Variants in EIPR1 observed in about 807,000 individuals in gnomAD.
The protein encoded by EIPR1 is EARP complex and GARP complex interacting protein 1, also known as EARP and GARP complex-interacting protein 1.
In EIPR1, 25 loss-of-function variants were observed where a neutral mutation model predicts 48.1. The observed-to-expected ratio is 0.52, with a 90% CI of 0.38 to 0.73. The LOEUF (loss-of-function observed/expected upper bound fraction) is 0.73, where lower values mean the gene tolerates loss of function less well. Ranked by LOEUF, EIPR1 falls within the 30% of genes least tolerant of loss-of-function variation. The pLI, the probability that EIPR1 is intolerant of heterozygous loss-of-function variation, is 0.00. For missense variants in EIPR1, 415 were observed against 506.2 expected (o/e 0.82, Z 1.73); for synonymous variants, 204 against 201.9 (o/e 1.01, Z -0.09).
intron 5 of EIPR1, chr2:3,208,634 C>A (rs1665318179): frequency 1.9e-6 from 3 of 1,550,512 alleles, no homozygotes; most frequent in Non-Finnish European, 2.6e-6. Context: ...CCATGGCATT[C>A]TGGTATGCTT....
chr2:3,370,466 A>G (rs1671087007), intron 1 of EIPR1, among the ~76,000 whole-genome samples: 1 of 152,154 alleles, frequency 6.6e-6, no homozygotes, highest in African/African-American at 2.4e-5. Flanking sequence ...TTCAAACCAA[A>G]GGCAAAGAAG....
intron 4 of EIPR1, among the ~76,000 whole-genome samples, chr2:3,227,084 T>TA (rs1227134265): frequency 6.6e-6 from 1 of 152,130 alleles, no homozygotes; most frequent in African/African-American, 2.4e-5. Flanking sequence ...GGCACTGCTG[T>TA]AAAGACACCC....
At chr2:3,239,302 C>T (rs1666516754) in intron 4 of EIPR1, among the ~76,000 whole-genome samples, 1 of 152,194 alleles carries the variant, frequency 6.6e-6, no homozygotes, top group South Asian at 2.1e-4. Context: ...AACAAAACCC[C>T]ACAGGTACAC....
At chr2:3,300,777 C>T (rs1219106534) in intron 3 of EIPR1, 3 of 152,236 alleles carry the variant, frequency 2.0e-5, no homozygotes, top group Admixed American at 1.3e-4. Flanking sequence ...CGTTTGTAAA[C>T]CAGCTGTCGC....
chr2:3,220,632 G>A (rs563097563), intron 4 of EIPR1, among the ~76,000 whole-genome samples: 1 of 151,638 alleles, frequency 6.6e-6, no homozygotes, highest in East Asian at 2.0e-4. Flanking sequence ...TTATAGTCAG[G>A]TGCACACACG....
chr2:3,256,887 C>T (rs746015062), intron 4 of EIPR1, among the ~76,000 whole-genome samples: 5 of 152,226 alleles, frequency 3.3e-5, no homozygotes, highest in Non-Finnish European at 7.3e-5. Flanking sequence ...AGGCACACCA[C>T]GCATTCATGC....
intron 3 of EIPR1, among the ~76,000 whole-genome samples, chr2:3,284,706 A>C (rs1223317398): frequency 6.6e-6 from 1 of 152,230 alleles, no homozygotes; most frequent in African/African-American, 2.4e-5. Flanking sequence ...ACTCAAATGG[A>C]GCCAGGATTC....
At chr2:3,273,365 C>G (rs1667753763) in intron 3 of EIPR1, among the ~76,000 whole-genome samples, 1 of 152,170 alleles carries the variant, frequency 6.6e-6, no homozygotes, top group East Asian at 1.9e-4. Flanking sequence ...ACCTAAAGGC[C>G]ACAGATAGAA....
At chr2:3,304,560 C>G (rs1390842227) in intron 3 of EIPR1, among the ~76,000 whole-genome samples, 3 of 5,678 alleles carry the variant, frequency 5.3e-4, no homozygotes, top group Admixed American at 1.6e-3. Flanking sequence ...CAACCTTCCA[C>G]TCCCGTCCTG....
chr2:3,351,199 C>T (rs953007539), intron 2 of EIPR1, among the ~76,000 whole-genome samples: 1 of 152,126 alleles, frequency 6.6e-6, no homozygotes, highest in African/African-American at 2.4e-5. Context: ...CAGGGTTTCA[C>T]CATGTTGGCC....
intron 1 of EIPR1, among the ~76,000 whole-genome samples, chr2:3,376,058 T>G (rs1318609620): frequency 6.6e-6 from 1 of 151,578 alleles, no homozygotes; most frequent in Non-Finnish European, 1.5e-5. Context: ...GCAGATCACT[T>G]GAGCTCAGGA....
chr2:3,377,752 G>C lies in EIPR1; in HGVS notation c.-63C>G. The C allele has an allele frequency of 6.5e-7, 1 of 1,542,800 alleles. No homozygotes were observed. Among genetic ancestry groups the C allele is most frequent in the South Asian group, 1.2e-5 (1 of 83,704 alleles). On this transcript the variant is annotated 5_prime_UTR_variant, in exon 1 of 9. Transcript: ENST00000382125. ...CTAAGGACCTCGCTACGGCCGGCGC[G>C]TCCCCACCTCGCGGGCGTGTTCCCA...
intron 5 of EIPR1, among the ~76,000 whole-genome samples, chr2:3,202,890 C>T (rs1403857816): frequency 9.2e-5 from 14 of 152,200 alleles, no homozygotes; most frequent in Non-Finnish European, 1.8e-4. Flanking sequence ...TACCAATTAG[C>T]CTTGCAGCTG....
At chr2:3,254,521 G>A (rs150803052) in intron 4 of EIPR1, among the ~76,000 whole-genome samples, 6 of 152,300 alleles carry the variant, frequency 3.9e-5, no homozygotes, top group East Asian at 1.9e-4. Context: ...TGACCAGCAC[G>A]CATGGTGGCT....
chr2:3,294,273 A>G (rs112317581), intron 3 of EIPR1, among the ~76,000 whole-genome samples: 139 of 151,058 alleles, frequency 9.2e-4, no homozygotes, highest in African/African-American at 3.0e-3. Context: ...CATCCAGCCC[A>G]TCCTCCCTAC....
At chr2:3,246,900 GGAGGGAGA>G (rs1377032320) in intron 4 of EIPR1, among the ~76,000 whole-genome samples, 2 of 85,640 alleles carry the variant, frequency 2.3e-5, no homozygotes, top group Admixed American at 2.2e-4. Flanking sequence ...AGGGAGGGAA[GGAGGGAGA>G]GAGGGAGGGA....
chr2:3,346,322 C>T (rs150804691), intron 2 of EIPR1, among the ~76,000 whole-genome samples: 11 of 152,344 alleles, frequency 7.2e-5, no homozygotes, highest in South Asian at 4.1e-4. Flanking sequence ...GATGGCCAGG[C>T]ATGGGGTTTC....
intron 3 of EIPR1, among the ~76,000 whole-genome samples, chr2:3,328,393 AG>A (rs1221365508): frequency 9.8e-5 from 14 of 143,422 alleles, no homozygotes. Context: ...GGTGCCAGCC[AG>A]GCTCCCCTGA....
chr2:3,240,154 A>AGATCCTTCCTAAAGCAAAGCCAGCG (rs1666554442), intron 4 of EIPR1, among the ~76,000 whole-genome samples: 4 of 151,682 alleles, frequency 2.6e-5, no homozygotes, highest in Non-Finnish European at 5.9e-5. Context: ...CAAAGCCAGC[A>AGATCCTTCCTAAAGCAAAGCCAGCG]GATCCTTCCT....
Sources: gnomAD v4.1 joint callset for allele counts (sites outside exome capture counted in the v4.1 genomes callset) on GRCh38, gnomAD v4.1.1 for gene constraint, MANE v1.5 for transcripts, NCBI Gene and HGNC (gene_info 2026-07-23, HGNC 2026-07-21) for gene names.